TASOR2: variants seen among roughly 807,000 people sequenced by gnomAD.
TASOR2 encodes transcription activation suppressor family member 2, also known as protein TASOR 2.
In TASOR2, 84 loss-of-function variants were observed where a neutral mutation model predicts 199.5. That is an observed-to-expected ratio of 0.42 (90% CI 0.35 to 0.50). TASOR2 has a LOEUF of 0.50. TASOR2 is among the 20% of genes least tolerant of loss of function. TASOR2 has a pLI of 0.02. For missense variants in TASOR2, 2,796 were observed against 2,835.9 expected (o/e 0.99, Z 0.32); for synonymous variants, 1,103 against 1,046.6 (o/e 1.05, Z -1.04).
exon 15 of TASOR2, chr10:5,746,946 A>C (rs759530625): frequency 6.2e-7 from 1 of 1,614,226 alleles, no homozygotes; most frequent in Non-Finnish European, 8.5e-7. Context: ...CACCCAGTGA[A>C]GAAGTGAGAT....
chr10:5,730,491 G>T lies in TASOR2; in HGVS notation c.492G>T (p.Val164=). The change falls in exon 11 of 21, where the codon GTG becomes GTT. Residue 164 remains valine (V), a synonymous_variant. Transcript: ENST00000328090. This position sits in a 1 kb window ranked among gnomAD's most constrained non-coding sequence, Gnocchi z 4.1. ...ATACGTGTGTATATATTCTAGGGGTGAAAGATTTGAAAGTTGAAGATGACA... is the reference window on the plus strand; with the variant it reads ...ATACGTGTGTATATATTCTAGGGGTTAAAGATTTGAAAGTTGAAGATGACA... 1.3e-6 allele frequency: 2 copies of T among 1,590,612 alleles called. No homozygotes were observed. Among genetic ancestry groups the T allele is most frequent in the South Asian group, 2.3e-5 (2 of 88,282 alleles).
chr10:5,757,760 T>C (rs933737366), intron 17 of TASOR2, 87 bp downstream of exon 18: 3 of 1,428,720 alleles, frequency 2.1e-6, no homozygotes, highest in Admixed American at 1.9e-5. Flanking sequence ...CCAAAAGAAA[T>C]GATCAACTCT....
rs1837596840 is a variant in TASOR2, at chr10:5,748,934, G to T, written c.5513G>T (p.Cys1838Phe). 1 of 1,613,956 alleles carries T rather than the reference G, an allele frequency of 6.2e-7. No individual in the cohort carries two copies. The highest frequency in any genetic ancestry group is 1.3e-5 in the African/African-American group (1 of 74,876). The change falls in exon 15 of 21, where the codon TGT becomes TTT. Residue 1838 changes from cysteine to phenylalanine, a missense_variant. By Grantham distance (205) the Cys-to-Phe change is radical (BLOSUM62 -2). This residue lies in a region of TASOR2 where 1,941 missense variants were observed against 1,924.9 expected (regional missense o/e 1.01). Coordinates refer to ENST00000328090, the Ensembl canonical transcript of TASOR2. The surrounding 1 kb of genome is among the most constrained non-coding windows in gnomAD (Gnocchi z 5.1). Reference sequence around the variant, plus strand: ...TCTGATCTAGACCTGCTTGGTGATTGTAGAAATCCCAGACTGGATTTGGAG... The same window carrying T: ...TCTGATCTAGACCTGCTTGGTGATTTTAGAAATCCCAGACTGGATTTGGAG...
Position 5,685,109 on chromosome 10 carries a change from A to C in TASOR2, c.-354A>C. Reference sequence around the variant, plus strand: ...CGGGAGGACGCAGAGCACGGCCGGGAGAAGCATGGGAAGGAGGCCGAGCCG... The same window carrying C: ...CGGGAGGACGCAGAGCACGGCCGGGCGAAGCATGGGAAGGAGGCCGAGCCG... On this transcript the variant is annotated 5_prime_UTR_variant, in exon 1 of 21. Transcript: ENST00000328090. The surrounding 1 kb of genome is among the most constrained non-coding windows in gnomAD (Gnocchi z 5.4). 1 of 398,142 alleles carries C rather than the reference A, an allele frequency of 2.5e-6. No homozygotes were observed. Among genetic ancestry groups the C allele is most frequent in the Non-Finnish European group, 4.4e-6 (1 of 225,684 alleles). The allele number at this position is 398,142 out of a possible 1,614,324, so 24.7% of individuals were successfully genotyped here.
chr10:5,750,413 A>G lies in TASOR2; in HGVS notation c.6606+386A>G, dbSNP rs1415190769. Among the ~76,000 whole-genome samples the G allele has an allele frequency of 2.0e-5, 3 of 152,132 alleles. No homozygotes were observed. In the East Asian group the frequency reaches 5.8e-4, roughly 29 times the overall value. ...TCTTTTGGTTTTGGATATATTTTTA[A>G]TTTGAATTTGAATGTTAGGATAACT... On this transcript the variant is annotated intron_variant, in intron 15 of 20. Coordinates refer to ENST00000328090, the Ensembl canonical transcript of TASOR2. The surrounding 1 kb of genome is among the most constrained non-coding windows in gnomAD (Gnocchi z 5.4).
Position 5,690,941 on chromosome 10 carries a change from C to A in TASOR2, c.-288+5766C>A, listed in dbSNP as rs1047660839. On this transcript the variant is annotated intron_variant, in intron 1 of 20. Coordinates refer to ENST00000328090, the Ensembl canonical transcript of TASOR2. This position sits in a 1 kb window ranked among gnomAD's most constrained non-coding sequence, Gnocchi z 4.8. ...GGCGCGGTGGCTCATGCCTGTAATC[C>A]CAGCACTTTGGGAGGCCGAGGTGGG... Among the ~76,000 whole-genome samples the A allele has an allele frequency of 1.3e-5, 2 of 151,854 alleles. No homozygotes were observed. The highest frequency in any genetic ancestry group is 2.9e-5 in the Non-Finnish European group (2 of 67,992).
chr10:5,732,783 C>T (rs1432559967), intron 11 of TASOR2, among the ~76,000 whole-genome samples: 1 of 152,200 alleles, frequency 6.6e-6, no homozygotes, highest in African/African-American at 2.4e-5. Flanking sequence ...ACTGATGCTC[C>T]TGCCTCAGCC....
At chr10:5,723,654 G>T (rs1425008362) in intron 6 of TASOR2, 23 bp from the exon 8 acceptor site, 9 of 1,419,082 alleles carry the variant, frequency 6.3e-6, no homozygotes, top group East Asian at 4.9e-5. Context: ...TATTCTGCTT[G>T]ATACTGTTGT....
chr10:5,763,529 T>TATC (rs1469807847), exon 21 of TASOR2: 5 of 152,346 alleles, frequency 3.3e-5, no homozygotes, highest in African/African-American at 9.7e-5. Context: ...ATTTATAAAC[T>TATC]ATCATTTTTC....
chr10:5,746,482 A>G lies in TASOR2; in HGVS notation c.3061A>G (p.Ile1021Val). The G allele has an allele frequency of 1.2e-6, 2 of 1,614,164 alleles. No individual in the cohort carries two copies. The highest frequency in any genetic ancestry group is 1.7e-6 in the Non-Finnish European group (2 of 1,180,040). ...AAAAACAGGTACTTTACAGGACCTT[A>G]TCCAACATGGCAGCCCCATAAACAA... The change falls in exon 15 of 21, where the codon ATC (isoleucine) becomes GTC (valine). Residue 1021 changes from isoleucine to valine, a missense_variant. By Grantham distance (29) the Ile-to-Val change is conservative. Around this residue, in one of 3 missense-constraint regions of TASOR2, gnomAD observed 1,941 missense variants for 1,924.9 expected, o/e 1.01. Coordinates refer to ENST00000328090, the Ensembl canonical transcript of TASOR2.
intron 18 of TASOR2, chr10:5,760,856 A>G (rs1165901783): frequency 6.5e-6 from 1 of 153,298 alleles, no homozygotes; most frequent in Admixed American, 6.5e-5. Flanking sequence ...CTGAGTTAAC[A>G]CATTTTCCTA....
exon 15 of TASOR2, chr10:5,746,210 T>C: frequency 6.3e-7 from 1 of 1,585,586 alleles, no homozygotes; most frequent in Non-Finnish European, 8.6e-7. Context: ...CAAGAATCAT[T>C]GGAGACTTCT....
Position 5,699,730 on chromosome 10 carries a change from A to T in TASOR2, c.-287-13093A>T. ...CAAAGATCATAAAAGTAGAAATGAA[A>T]TTTTATGGTAAGTATATTTTACCAC... is the stretch of plus-strand genomic sequence containing the variant. On this transcript the variant is annotated intron_variant, in intron 1 of 20. Coordinates refer to ENST00000328090, the Ensembl canonical transcript of TASOR2. This position sits in a 1 kb window ranked among gnomAD's most constrained non-coding sequence, Gnocchi z 4.1. The T allele has an allele frequency of 8.8e-6, 7 of 797,570 alleles. No homozygotes were observed. The highest frequency in any genetic ancestry group is 9.1e-6 in the Non-Finnish European group (6 of 658,640). The allele number at this position is 797,570 out of a possible 1,614,324, so 49.4% of individuals were successfully genotyped here.
chr10:5,748,111 T>G lies in TASOR2; in HGVS notation c.4690T>G (p.Leu1564Val). The change falls in exon 15 of 21, where the codon TTA becomes GTA. Residue 1564 changes from leucine to valine, a missense_variant. Leu to Val is a conservative substitution (Grantham distance 32). Coordinates refer to ENST00000328090, the Ensembl canonical transcript of TASOR2. The surrounding 1 kb of genome is among the most constrained non-coding windows in gnomAD (Gnocchi z 5.1). ...TAGTATAGAGAATAGAAATTTGGACTTAAAACATCTTGTCTTGGAGTCCAG... is the reference window on the plus strand; with the variant it reads ...TAGTATAGAGAATAGAAATTTGGACGTAAAACATCTTGTCTTGGAGTCCAG... The G allele has an allele frequency of 6.2e-7, 1 of 1,614,248 alleles. No homozygotes were observed. The highest frequency in any genetic ancestry group is 8.5e-7 in the Non-Finnish European group (1 of 1,180,046).
rs1209740318 is a variant in TASOR2 at position 5,689,024 on chromosome 10, G to C, written c.-288+3849G>C. 6.6e-6 allele frequency among the ~76,000 whole-genome samples: 1 copy of C among 151,954 alleles called. No individual in the cohort carries two copies. Among genetic ancestry groups the C allele is most frequent in the African/African-American group, 2.4e-5 (1 of 41,362 alleles). ...TCTCCTTTAAAAAGTACAGTTTTTGGAATGGCTTTTATTGAAGATCTATTG... is the reference window on the plus strand; with the variant it reads ...TCTCCTTTAAAAAGTACAGTTTTTGCAATGGCTTTTATTGAAGATCTATTG... On this transcript the variant is annotated intron_variant, in intron 1 of 20. Transcript: ENST00000328090. This position sits in a 1 kb window ranked among gnomAD's most constrained non-coding sequence, Gnocchi z 4.1.
chr10:5,758,246 A>T (rs1839255949), intron 17 of TASOR2, among the ~76,000 whole-genome samples: 1 of 152,244 alleles, frequency 6.6e-6, no homozygotes, highest in African/African-American at 2.4e-5. Flanking sequence ...ACTTCTACAC[A>T]GAACCTGGGA....
chr10:5,746,481 T>A (rs1837228678), exon 15 of TASOR2: 3 of 1,614,102 alleles, frequency 1.9e-6, no homozygotes, highest in Non-Finnish European at 2.5e-6. Context: ...TACAGGACCT[T>A]ATCCAACATG....
At chr10:5,716,995 T>C (rs1832741572) in intron 2 of TASOR2, among the ~76,000 whole-genome samples, 1 of 134,808 alleles carries the variant, frequency 7.4e-6, no homozygotes, top group African/African-American at 2.8e-5. Flanking sequence ...AATCTGAAAG[T>C]AAATTACAAA....
chr10:5,735,359 C>A lies in TASOR2; in HGVS notation c.1260C>A (p.Asn420Lys), dbSNP rs996743058. 3 of 1,613,960 alleles carry A rather than the reference C, an allele frequency of 1.9e-6. No individual in the cohort carries two copies. In the African/African-American group the frequency reaches 4.0e-5, roughly 22 times the overall value. The change falls in exon 12 of 21, where the codon AAC (asparagine) becomes AAA (lysine). Residue 420 changes from asparagine (N) to lysine (K), a missense_variant. By Grantham distance (94) the Asn-to-Lys change is moderately conservative. Coordinates refer to ENST00000328090, the Ensembl canonical transcript of TASOR2. Reference sequence around the variant, plus strand: ...AGAAAACCAAATTGGATAGGAAAAACCAAGAAGCTCCTATTTCTAAAGATG... The same window carrying A: ...AGAAAACCAAATTGGATAGGAAAAAACAAGAAGCTCCTATTTCTAAAGATG...
Sources: allele counts gnomAD v4.1 joint callset (sites outside exome capture counted in the v4.1 genomes callset), GRCh38; gene constraint gnomAD v4.1.1; regional missense constraint gnomAD v4.1.1; non-coding constraint Gnocchi (gnomAD v3.1); transcripts MANE v1.5; gene names NCBI Gene and HGNC (gene_info 2026-07-23, HGNC 2026-07-21).